The following PAX3 variants were observed in gnomAD, a reference collection of about 807,000 sequenced individuals.
The protein encoded by PAX3 is paired box protein Pax-3.
In PAX3, 14 loss-of-function variants were observed where a neutral mutation model predicts 51.6. The observed-to-expected ratio is 0.27, with a 90% CI of 0.18 to 0.42. The LOEUF (loss-of-function observed/expected upper bound fraction) is 0.42, where lower values mean the gene tolerates loss of function less well. Ranked by LOEUF, PAX3 falls within the 10% of genes least tolerant of loss-of-function variation. PAX3 has a pLI of 1.00. For synonymous variants in PAX3, 280 were observed against 253.4 expected (o/e 1.11, Z -1.00); for missense variants, 540 against 642.8 (o/e 0.84, Z 1.73).
intron 5 of PAX3, among the ~76,000 whole-genome samples, chr2:222,227,539 C>G (rs1256083356): frequency 2.6e-5 from 4 of 152,048 alleles, no homozygotes; most frequent in Non-Finnish European, 5.9e-5. Context: ...TTGCAGTGAG[C>G]AGAGATCGCA....
At chr2:222,245,013 T>C (rs1324954253) in intron 4 of PAX3, among the ~76,000 whole-genome samples, 1 of 152,122 alleles carries the variant, frequency 6.6e-6, no homozygotes, top group Non-Finnish European at 1.5e-5. Flanking sequence ...CTGGATATGA[T>C]GGTGCACACC....
chr2:222,279,144 C>T (rs969580859), intron 4 of PAX3, among the ~76,000 whole-genome samples: 5 of 151,982 alleles, frequency 3.3e-5, no homozygotes, highest in African/African-American at 1.2e-4. Flanking sequence ...AGAGACGGGG[C>T]GGTTTCACCG....
chr2:222,233,209 T>A (rs1215481382), intron 4 of PAX3, among the ~76,000 whole-genome samples: 3 of 151,316 alleles, frequency 2.0e-5, no homozygotes, highest in Non-Finnish European at 4.4e-5. Context: ...CCTGAGCAAC[T>A]GCATAAGACA....
intron 5 of PAX3, among the ~76,000 whole-genome samples, chr2:222,230,143 T>G (rs1417150924): frequency 6.6e-6 from 1 of 151,736 alleles, no homozygotes; most frequent in Non-Finnish European, 1.5e-5. Context: ...ACCACTGTAC[T>G]CCAACCTGGG....
intron 2 of PAX3, among the ~76,000 whole-genome samples, chr2:222,296,267 G>A (rs45489203): frequency 0.015 from 2,306 of 152,344 alleles, 73 homozygotes; most frequent in African/African-American, 0.052. Context: ...CAGTAGGTGG[G>A]AAGGAAGAGG....
intron 6 of PAX3, 95 bp downstream of exon 6, chr2:222,221,127 G>T: frequency 8.9e-7 from 1 of 1,126,672 alleles, no homozygotes. Context: ...TAACAACATG[G>T]TGTCAGTACT....
At chr2:222,220,082 A>T in intron 7 of PAX3, 58 bp downstream of exon 7, 1 of 1,412,888 alleles carries the variant, frequency 7.1e-7, no homozygotes, top group Non-Finnish European at 1.0e-6. Flanking sequence ...TGCCTCAGGG[A>T]ATTGAATATT....
At chr2:222,236,427 A>G (rs1692800027) in intron 4 of PAX3, among the ~76,000 whole-genome samples, 2 of 152,162 alleles carry the variant, frequency 1.3e-5, no homozygotes, top group African/African-American at 4.8e-5. Context: ...ACTAAAACTT[A>G]AATCCCATTT....
In PAX3 at chr2:222,294,298, C is replaced by T. The variant is rs761711527; in HGVS notation, c.455G>A (p.Ser152Asn). The T allele has an allele frequency of 3.1e-6, 5 of 1,614,192 alleles. No homozygotes were observed. Among genetic ancestry groups the T allele is most frequent in the South Asian group, 2.2e-5 (2 of 91,090 alleles). Residue 152 changes from serine to asparagine, a missense_variant, in exon 4 of 9, where the codon AGT becomes AAT. Physicochemically the swap from Ser to Asn is conservative, Grantham distance 46. Around this residue, in one of 3 missense-constraint regions of PAX3, gnomAD observed 427 missense variants for 483.6 expected, o/e 0.88. Coordinates refer to ENST00000392070, the MANE Select transcript of PAX3 (RefSeq NM_181458.4). Reference protein sequence around the residue: ...VCDRNTVPSVSSISRILRSKF... With the variant: ...VCDRNTVPSVNSISRILRSKF... Reference sequence around the variant, plus strand: ...ACTTCTCAGGATGCGGCTGATGGAACTCACTGGGGGCGGGAGGAGGAAGGA... The same window carrying T: ...ACTTCTCAGGATGCGGCTGATGGAATTCACTGGGGGCGGGAGGAGGAAGGA...
Position 222,202,175 on chromosome 2 carries a change from T to G in PAX3, c.1189A>C (p.Thr397Pro). ...GLSPQVMGLL[T>P]NHGGVPHQPQ... is the part of the protein sequence containing the mutation. Reference sequence around the variant, plus strand: ...TGATGAGGTACCCCACCGTGGTTGGTCAGGAGTCCCATTACCTAAAAAAAC... The same window carrying G: ...TGATGAGGTACCCCACCGTGGTTGGGCAGGAGTCCCATTACCTAAAAAAAC... Residue 397 changes from threonine (T) to proline (P), a missense_variant, in exon 8 of 9, where the codon ACC becomes CCC. Transcript: ENST00000392070. 6.3e-7 allele frequency: 1 copy of G among 1,598,506 alleles called. No homozygotes were observed. The highest frequency in any genetic ancestry group is 8.5e-7 in the Non-Finnish European group (1 of 1,171,774).
In PAX3 at chr2:222,296,909, C is replaced by A. The variant is rs1436908941; in HGVS notation, c.321+69G>T. 5 of 1,332,392 alleles carry A rather than the reference C, an allele frequency of 3.8e-6. No homozygotes were observed. In the East Asian group the frequency reaches 9.9e-5, roughly 26 times the overall value. The allele number at this position is 1,332,392 out of a possible 1,614,324, so 82.5% of individuals were successfully genotyped here. ...GAGCCCCAGATGTCAGCCGTTACCC[C>A]CCGCCCGGTCTTCCCCAACACAGGG... On this transcript the variant is annotated intron_variant, in intron 2 of 8. Transcript: ENST00000392070.
intron 4 of PAX3, among the ~76,000 whole-genome samples, chr2:222,277,496 C>A (rs1449453216): frequency 6.6e-6 from 1 of 152,126 alleles, no homozygotes; most frequent in African/African-American, 2.4e-5. Flanking sequence ...TTATAAAACA[C>A]AAATCAAGCC....
intron 4 of PAX3, among the ~76,000 whole-genome samples, chr2:222,247,672 G>A (rs1309159282): frequency 6.6e-6 from 1 of 151,874 alleles, no homozygotes; most frequent in African/African-American, 2.4e-5. Flanking sequence ...TGGATCTATA[G>A]GTGAATTTAC....
chr2:222,216,021 G>T, intron 7 of PAX3, among the ~76,000 whole-genome samples: 1 of 152,190 alleles, frequency 6.6e-6, no homozygotes, highest in East Asian at 1.9e-4. Flanking sequence ...TGAGAATCTC[G>T]CCTTAAATTC....
chr2:222,260,591 G>GTTTTTTTTTTTTTTTTTTTTTTTTTTT (rs374339768), intron 4 of PAX3, among the ~76,000 whole-genome samples: 3 of 63,066 alleles, frequency 4.8e-5, no homozygotes, highest in African/African-American at 6.7e-5. Flanking sequence ...TTTTTTTTTT[G>GTTTTTTTTTTTTTTTTTTTTTTTTTTT]TTTTTTTTTT....
intron 4 of PAX3, among the ~76,000 whole-genome samples, chr2:222,255,403 T>G (rs1339233919): frequency 6.6e-6 from 1 of 152,194 alleles, no homozygotes; most frequent in African/African-American, 2.4e-5. Flanking sequence ...AGCACCTGCA[T>G]CAGAATCACC....
chr2:222,291,969 GGTGTGTGTGT>G lies in PAX3; in HGVS notation c.586+2188_586+2197del, dbSNP rs3997675. On this transcript the variant is annotated intron_variant, in intron 4 of 8. Coordinates refer to ENST00000392070, the MANE Select transcript of PAX3 (RefSeq NM_181458.4). ...AATTAAATCAGGCTTCAGCCTCCAA[GGTGTGTGTGT>G]GTGTGTGTGTGTGTGTGTGTGTGTG... Among the ~76,000 whole-genome samples, 903 of 133,718 alleles carry G rather than the reference GGTGTGTGTGT, an allele frequency of 6.8e-3. 4 individuals are homozygous for G. The highest frequency in any genetic ancestry group is 0.018 in the African/African-American group (642 of 35,362). The allele number at this position is 133,718 out of a possible 152,430, so 87.7% of individuals were successfully genotyped here.
intron 5 of PAX3, among the ~76,000 whole-genome samples, chr2:222,227,031 A>C (rs1291918989): frequency 6.6e-6 from 1 of 152,044 alleles, no homozygotes; most frequent in Non-Finnish European, 1.5e-5. Flanking sequence ...CCCAGCTGAG[A>C]TCATGTGATC....
chr2:222,289,709 C>T (rs1694960411), intron 4 of PAX3, among the ~76,000 whole-genome samples: 1 of 152,178 alleles, frequency 6.6e-6, no homozygotes, highest in African/African-American at 2.4e-5. Context: ...AAAGAAAAAG[C>T]TAGGAGCTGA....
Sources: allele counts gnomAD v4.1 joint callset (sites outside exome capture counted in the v4.1 genomes callset), GRCh38; gene constraint gnomAD v4.1.1; regional missense constraint gnomAD v4.1.1; transcripts MANE v1.5; gene names NCBI Gene and HGNC (gene_info 2026-07-23, HGNC 2026-07-21).